Variants in ERBB4 observed in about 807,000 individuals in gnomAD.
ERBB4 encodes the protein receptor tyrosine-protein kinase erbB-4.
A neutral mutation model predicts 158.0 loss-of-function variants in ERBB4; 42 were observed. The observed-to-expected ratio is 0.27, with a 90% CI of 0.21 to 0.34. ERBB4 has a LOEUF of 0.34. ERBB4 is among the 10% of genes least tolerant of loss of function. ERBB4 has a pLI of 1.00. For missense variants in ERBB4, 1,333 were observed against 1,624.1 expected (o/e 0.82, Z 3.08); for synonymous variants, 583 against 558.7 (o/e 1.04, Z -0.61).
chr2:211,689,937 G>C (rs943147793), intron 12 of ERBB4, among the ~76,000 whole-genome samples: 1 of 150,664 alleles, frequency 6.6e-6, no homozygotes, highest in Non-Finnish European at 1.5e-5. Flanking sequence ...GATCACTTTT[G>C]TTTTCTTTTT....
intron 25 of ERBB4, among the ~76,000 whole-genome samples, chr2:211,416,341 A>T (rs1023157843): frequency 5.3e-5 from 8 of 152,184 alleles, no homozygotes; most frequent in Non-Finnish European, 1.2e-4. Flanking sequence ...AAGAAAAAAA[A>T]CCTATGGAGA....
intron 3 of ERBB4, among the ~76,000 whole-genome samples, chr2:211,921,891 T>A (rs1488094024): frequency 6.6e-6 from 1 of 152,154 alleles, no homozygotes; most frequent in East Asian, 1.9e-4. Flanking sequence ...AGGTACATGT[T>A]ATTTTAATAA....
chr2:212,020,533 C>T (rs757348567), intron 2 of ERBB4, among the ~76,000 whole-genome samples: 39 of 151,922 alleles, frequency 2.6e-4, no homozygotes, highest in African/African-American at 5.8e-4. Context: ...TTGGTATATA[C>T]GTTTGCTCTT....
At chr2:211,971,325 T>C (rs538124048) in intron 2 of ERBB4, among the ~76,000 whole-genome samples, 2 of 152,098 alleles carry the variant, frequency 1.3e-5, no homozygotes, top group Admixed American at 6.6e-5. Context: ...GAGAAATGGA[T>C]GAATTCCTGG....
chr2:211,938,738 T>C (rs1342191907), intron 3 of ERBB4, among the ~76,000 whole-genome samples: 1 of 152,152 alleles, frequency 6.6e-6, no homozygotes, highest in South Asian at 2.1e-4. Flanking sequence ...GTCAGAAATA[T>C]AGTATTTACT....
intron 5 of ERBB4, among the ~76,000 whole-genome samples, chr2:211,729,531 C>G (rs973920195): frequency 2.0e-5 from 3 of 151,676 alleles, no homozygotes; most frequent in Non-Finnish European, 4.4e-5. Context: ...TTATATGAGA[C>G]TTGTAACAAG....
chr2:211,723,872 T>C (rs1292978193), intron 6 of ERBB4, among the ~76,000 whole-genome samples: 2 of 152,196 alleles, frequency 1.3e-5, no homozygotes, highest in Non-Finnish European at 2.9e-5. Flanking sequence ...TTCTTGAACA[T>C]TCTGTACCAA....
chr2:211,976,072 C>A (rs1575461430), intron 2 of ERBB4, among the ~76,000 whole-genome samples: 1 of 152,174 alleles, frequency 6.6e-6, no homozygotes, highest in African/African-American at 2.4e-5. Context: ...TGGAAATGGG[C>A]AGAGAAGTTT....
At chr2:211,897,749 T>C (rs912436545) in intron 3 of ERBB4, among the ~76,000 whole-genome samples, 1 of 152,082 alleles carries the variant, frequency 6.6e-6, no homozygotes, top group Non-Finnish European at 1.5e-5. Flanking sequence ...GTTTTGTTTT[T>C]TGCTTTTGTT....
At chr2:211,553,071 C>T (rs1432136773) in intron 20 of ERBB4, among the ~76,000 whole-genome samples, 8 of 151,864 alleles carry the variant, frequency 5.3e-5, no homozygotes, top group African/African-American at 1.5e-4. Context: ...CATGTTCAAG[C>T]GATTCTCCTA....
rs369814353 is a variant in ERBB4 at position 212,524,592 on chromosome 2, A to G, written c.82+13857T>C. Among the ~76,000 whole-genome samples the G allele has an allele frequency of 3.9e-5, 6 of 152,100 alleles. No homozygotes were observed. The East Asian group carries it at 1.2e-3, about 29-fold the overall frequency. ...CACCCCTGTCCACATACTAAATTAC[A>G]TGGGTGATTTTCTCCTAGGCCTCAC... On this transcript the variant is annotated intron_variant, in intron 1 of 27. Transcript: ENST00000342788.
At chr2:211,958,534 T>C (rs1240957399) in intron 2 of ERBB4, among the ~76,000 whole-genome samples, 1 of 152,100 alleles carries the variant, frequency 6.6e-6, no homozygotes, top group African/African-American at 2.4e-5. Flanking sequence ...ACTCTGACTA[T>C]TACCTCTGTT....
In ERBB4 at chr2:211,772,934, T is replaced by TACACACAC. The variant is rs1559504856; in HGVS notation, c.556+15090_556+15091insGTGTGTGT. ...ACACACACACACACACATATATATATATATATATATATATATATATATTTT... is the reference window on the plus strand; with the variant it reads ...ACACACACACACACACATATATATATACACACACATATATATATATATATATATATTTT... On this transcript the variant is annotated intron_variant, in intron 4 of 27. Transcript: ENST00000342788. Among the ~76,000 whole-genome samples the TACACACAC allele has an allele frequency of 6.3e-5, 5 of 79,970 alleles. 1 individual carries two copies. The East Asian group carries it at 2.2e-3, about 35-fold the overall frequency. The allele number at this position is 79,970 out of a possible 152,430, so 52.5% of individuals were successfully genotyped here.
chr2:211,970,606 T>C lies in ERBB4; in HGVS notation c.235-22990A>G, dbSNP rs377646262. Among the ~76,000 whole-genome samples, 47 of 152,324 alleles carry C rather than the reference T, an allele frequency of 3.1e-4. No individual in the cohort carries two copies. In the South Asian group the frequency reaches 3.5e-3, roughly 11 times the overall value. On this transcript the variant is annotated intron_variant, in intron 2 of 27. Transcript: ENST00000342788. ...ACAATAGTTAGATCTTCTTGCTGAA[T>C]TGAATTTTTTACCACTATGTAATGA...
At chr2:211,655,527 C>T (rs1434586484) in intron 16 of ERBB4, among the ~76,000 whole-genome samples, 1 of 152,178 alleles carries the variant, frequency 6.6e-6, no homozygotes, top group Non-Finnish European at 1.5e-5. Flanking sequence ...TAGAGCCTGG[C>T]TCTGAACTCA....
At chr2:211,752,501 A>AAG (rs2075162310) in intron 4 of ERBB4, among the ~76,000 whole-genome samples, 1 of 143,220 alleles carries the variant, frequency 7.0e-6, no homozygotes, top group Non-Finnish European at 1.5e-5. Context: ...GAAAAAAAAA[A>AAG]AAAAGAAAAG....
chr2:211,383,456 A>T lies in ERBB4; in HGVS notation c.*159T>A. Reference sequence around the variant, plus strand: ...TTTCAGTCTTTCCCTCTAATGTTCAAGTTAGGTAAGCACATAACTATCATT... The same window carrying T: ...TTTCAGTCTTTCCCTCTAATGTTCATGTTAGGTAAGCACATAACTATCATT... On this transcript the variant is annotated 3_prime_UTR_variant, in exon 28 of 28. Coordinates refer to ENST00000342788, the MANE Select transcript of ERBB4 (RefSeq NM_005235.3). 1 of 643,254 alleles carries T rather than the reference A, an allele frequency of 1.6e-6. No individual in the cohort carries two copies. Among genetic ancestry groups the T allele is most frequent in the East Asian group, 2.7e-5 (1 of 36,582 alleles). 39.8% of individuals were successfully genotyped at this position (643,254 alleles called of 1,614,324 possible).
At chr2:211,861,030 ATAT>A (rs1559585237) in intron 3 of ERBB4, among the ~76,000 whole-genome samples, 292 of 8,322 alleles carry the variant, frequency 0.035, 7 homozygotes, top group South Asian at 0.072. Flanking sequence ...ATATATATAA[ATAT>A]AATATATTTA....
intron 1 of ERBB4, among the ~76,000 whole-genome samples, chr2:212,156,104 T>G (rs764786496): frequency 1.3e-5 from 2 of 152,116 alleles, no homozygotes; most frequent in African/African-American, 2.4e-5. Flanking sequence ...TCCTGGGTCT[T>G]GTACTCATTC....
Sources: allele counts gnomAD v4.1 joint callset (sites outside exome capture counted in the v4.1 genomes callset), GRCh38; gene constraint gnomAD v4.1.1; transcripts MANE v1.5; gene names NCBI Gene and HGNC (gene_info 2026-07-23, HGNC 2026-07-21).